FBXO25: variants seen among roughly 807,000 people sequenced by gnomAD.
FBXO25 encodes F-box protein 25.
A neutral mutation model predicts 51.9 loss-of-function variants in FBXO25; 45 were observed. That is an observed-to-expected ratio of 0.87 (90% confidence interval 0.68 to 1.11). The LOEUF (loss-of-function observed/expected upper bound fraction) is 1.11, where lower values mean the gene tolerates loss of function less well. FBXO25 is among the 50% of genes most tolerant of loss of function. The pLI is 0.00. For synonymous variants in FBXO25, 199 were observed against 151.0 expected, an observed-to-expected ratio of 1.32 and a Z score of -2.33; for missense variants, 507 against 428.5, an observed-to-expected ratio of 1.18 and a Z score of -1.62.
intron 2 of FBXO25, among the ~76,000 whole-genome samples, chr8:421,803 T>G (rs1797173026): frequency 6.6e-6 from 1 of 151,616 alleles, no homozygotes; most frequent in Non-Finnish European, 1.5e-5. Context: ...GAAAGGTGAG[T>G]GATGGGAGCC....
rs769854797 is a variant in FBXO25 at position 474,619 on chromosome 8, G to A, written c.*5815G>A. 12 of 410,252 alleles carry A rather than the reference G, an allele frequency of 2.9e-5. No individual in the cohort carries two copies. Among genetic ancestry groups the A allele is most frequent in the Middle Eastern group, 3.8e-4 (1 of 2,612 alleles). 25.4% of individuals were successfully genotyped at this position (410,252 alleles called of 1,614,324 possible). A position where few individuals can be genotyped will look rare whatever the true frequency, so the allele number is the denominator to read the frequency against. ...TGCTGAGATTTTGATTTGCATTTCC[G>A]TAATGACTGGTGATGCTGAGTATCT... On this transcript the variant is annotated 3_prime_UTR_variant, in exon 10 of 10. Coordinates refer to ENST00000350302, the MANE Select transcript of FBXO25 (RefSeq NM_183420.2).
rs1278590281 is a variant in FBXO25, at chr8:473,351, TG to T, written c.*4549del. On this transcript the variant is annotated 3_prime_UTR_variant, in exon 10 of 10. Transcript: ENST00000350302. ...AGACAGTGTGTTCTAGGTGGTAACGTGGCACCTGCACATGCACCCCCAGCAG... is the reference window on the plus strand; with the variant it reads ...AGACAGTGTGTTCTAGGTGGTAACGTGCACCTGCACATGCACCCCCAGCAG... 1 of 152,238 alleles carries T rather than the reference TG, an allele frequency of 6.6e-6. No individual in the cohort carries two copies. The highest frequency in any genetic ancestry group is 1.5e-5 in the Non-Finnish European group (1 of 68,104). 9.4% of individuals were successfully genotyped at this position (152,238 alleles called of 1,614,324 possible). A position where few individuals can be genotyped will look rare whatever the true frequency, so the allele number is the denominator to read the frequency against.
rs1796591347 is a variant in FBXO25, at chr8:413,202, C to G, written c.123C>G (p.Ile41Met). ...KLERENNRCN[I>M]SHSIILNSED... ...AAAGAGAGAATAACCGTTGTAACAT[C>G]AGTCACAGCATGTAAGTTACAGCTG... The change falls in exon 2 of 10, where the codon ATC (isoleucine) becomes ATG (methionine). Residue 41 changes from isoleucine to methionine, a missense_variant. Coordinates refer to ENST00000350302, the MANE Select transcript of FBXO25 (RefSeq NM_183420.2). 2 of 1,593,772 alleles carry G rather than the reference C, an allele frequency of 1.3e-6. No individual in the cohort carries two copies. The highest frequency in any genetic ancestry group is 1.2e-5 in the South Asian group (1 of 86,496).
At chr8:413,986 C>G (rs1457907524) in intron 2 of FBXO25, among the ~76,000 whole-genome samples, 1 of 152,146 alleles carries the variant, frequency 6.6e-6, no homozygotes, top group Non-Finnish European at 1.5e-5. Flanking sequence ...CTTGAGATAG[C>G]CTCCTCTAGA....
At chr8:438,864 C>T (rs1231629991) in intron 5 of FBXO25, among the ~76,000 whole-genome samples, 1 of 152,216 alleles carries the variant, frequency 6.6e-6, no homozygotes, top group Admixed American at 6.5e-5. Flanking sequence ...ATGTCAGCAG[C>T]ATTCCCTGGC....
rs941331475 is a variant in FBXO25, at chr8:472,858, C to T, written c.*4054C>T. ...AGGGGTGCTGCCCTCTGAGAAAAGT[C>T]AGAAGCAAGCCTGCCTTATGAAACT... On this transcript the variant is annotated 3_prime_UTR_variant, in exon 10 of 10. Coordinates refer to ENST00000350302, the MANE Select transcript of FBXO25 (RefSeq NM_183420.2). 1 of 152,246 alleles carries T rather than the reference C, an allele frequency of 6.6e-6. No homozygotes were observed. The highest frequency in any genetic ancestry group is 1.9e-4 in the East Asian group (1 of 5,204). The allele number at this position is 152,246 out of a possible 1,614,324, so 9.4% of individuals were successfully genotyped here. A position where few individuals can be genotyped will look rare whatever the true frequency, so the allele number is the denominator to read the frequency against.
intron 1 of FBXO25, among the ~76,000 whole-genome samples, chr8:411,445 A>T: frequency 1.3e-5 from 2 of 150,528 alleles, no homozygotes; most frequent in African/African-American, 2.5e-5. Context: ...GGCTCTCTTG[A>T]TTTCCCTCTC....
chr8:468,659 A>C, intron 9 of FBXO25, 56 bp from the exon 10 acceptor site: 1 of 1,374,174 alleles, frequency 7.3e-7, no homozygotes, highest in South Asian at 1.2e-5. Context: ...AAGCACCATC[A>C]CTAGAGTGTG....
chr8:475,778 T>A lies in FBXO25; in HGVS notation c.*6974T>A, dbSNP rs935626643. 2 of 151,876 alleles carry A rather than the reference T, an allele frequency of 1.3e-5. No homozygotes were observed. The highest frequency in any genetic ancestry group is 2.4e-5 in the African/African-American group (1 of 41,398). 9.4% of individuals were successfully genotyped at this position (151,876 alleles called of 1,614,324 possible). A position where few individuals can be genotyped will look rare whatever the true frequency, so the allele number is the denominator to read the frequency against. The stretch of plus-strand genomic sequence containing the variant: ...TTTGTAAACTGCAGTGTTACTGAAA[T>A]TTTTTTTTGTATATGTATGGACACT... On this transcript the variant is annotated 3_prime_UTR_variant, in exon 10 of 10. Coordinates refer to ENST00000350302, the MANE Select transcript of FBXO25 (RefSeq NM_183420.2).
intron 8 of FBXO25, among the ~76,000 whole-genome samples, chr8:459,526 T>G (rs369300760): frequency 1.1e-3 from 168 of 152,332 alleles, no homozygotes; most frequent in African/African-American, 3.7e-3. Flanking sequence ...TGTTCTTGTT[T>G]GAGGACTAGG....
chr8:448,976 C>G (rs1180545103), intron 5 of FBXO25, among the ~76,000 whole-genome samples: 5 of 152,116 alleles, frequency 3.3e-5, no homozygotes, highest in Admixed American at 6.5e-5. Context: ...AGAGAGAACG[C>G]AAAGTTTTTC....
chr8:438,404 A>C (rs546902189), intron 5 of FBXO25, among the ~76,000 whole-genome samples: 8 of 152,338 alleles, frequency 5.3e-5, no homozygotes, highest in Admixed American at 4.6e-4. Context: ...TTTTCCATCT[A>C]AACAGCAATT....
intron 7 of FBXO25, among the ~76,000 whole-genome samples, chr8:452,744 G>C (rs1029651455): frequency 6.6e-6 from 1 of 152,222 alleles, no homozygotes; most frequent in African/African-American, 2.4e-5. Flanking sequence ...TCTTTGGAGA[G>C]AGATGTGGAG....
chr8:433,648 T>A (rs1797945287), intron 4 of FBXO25, among the ~76,000 whole-genome samples: 1 of 152,226 alleles, frequency 6.6e-6, no homozygotes, highest in South Asian at 2.1e-4. Flanking sequence ...ATCCGGGAAG[T>A]TGAGTTCCTT....
chr8:473,799 T>C lies in FBXO25; in HGVS notation c.*4995T>C, dbSNP rs968820281. On this transcript the variant is annotated 3_prime_UTR_variant, in exon 10 of 10. Transcript: ENST00000350302. ...ATCTGTGTCAAATAGAAGAGACACC[T>C]CAACTGTCTCGTTTTTGCATGGAAA... The C allele has an allele frequency of 6.6e-6, 1 of 152,212 alleles. No individual in the cohort carries two copies. The highest frequency in any genetic ancestry group is 2.4e-5 in the African/African-American group (1 of 41,454). The allele number at this position is 152,212 out of a possible 1,614,324, so 9.4% of individuals were successfully genotyped here. A position where few individuals can be genotyped will look rare whatever the true frequency, so the allele number is the denominator to read the frequency against.
At chr8:448,510 T>G (rs968948266) in intron 5 of FBXO25, among the ~76,000 whole-genome samples, 6 of 152,242 alleles carry the variant, frequency 3.9e-5, no homozygotes, top group Non-Finnish European at 7.3e-5. Context: ...AACCATCTTT[T>G]GTATCCAGTC....
At chr8:459,426 G>A (rs749028114) in intron 8 of FBXO25, among the ~76,000 whole-genome samples, 29 of 152,072 alleles carry the variant, frequency 1.9e-4, no homozygotes, top group Admixed American at 3.9e-4. Context: ...GCACGGCAGA[G>A]GCCGAGCTAC....
In FBXO25 at chr8:460,268, T is replaced by C. The variant is rs528024915; in HGVS notation, c.843+1717T>C. Among the ~76,000 whole-genome samples the C allele has an allele frequency of 1.8e-3, 271 of 152,288 alleles. 1 individual carries two copies. Among genetic ancestry groups the C allele is most frequent in the Middle Eastern group, 6.8e-3 (2 of 294 alleles). ...TGGCCATTTCTGTGGTCATTGCCAT[T>C]CTTAAAAGAGTTGCTTTAAATAAGT... On this transcript the variant is annotated intron_variant, in intron 8 of 9. Coordinates refer to ENST00000350302, the MANE Select transcript of FBXO25 (RefSeq NM_183420.2).
rs546430803 is a variant in FBXO25 at position 427,933 on chromosome 8, A to G, written c.135-3408A>G. Among the ~76,000 whole-genome samples the G allele has an allele frequency of 5.6e-3, 858 of 152,028 alleles. 10 individuals carry two copies. Among genetic ancestry groups the G allele is most frequent in the African/African-American group, 0.018 (729 of 41,472 alleles). On this transcript the variant is annotated intron_variant, in intron 2 of 9. Coordinates refer to ENST00000350302, the MANE Select transcript of FBXO25 (RefSeq NM_183420.2). ...CACATTTCTGTAAAGCCTGTGCTTA[A>G]AACCCTAGAGTGGTCTGGGAGATGA... is the stretch of plus-strand genomic sequence containing the variant.
Sources: gnomAD v4.1 joint callset for allele counts (sites outside exome capture counted in the v4.1 genomes callset) on GRCh38, gnomAD v4.1.1 for gene constraint, MANE v1.5 for transcripts, NCBI Gene and HGNC (gene_info 2026-07-23, HGNC 2026-07-21) for gene names.